NRCAM: variants seen among roughly 807,000 people sequenced by gnomAD.
The protein encoded by NRCAM is NgCAM-related cell adhesion molecule.
A neutral mutation model predicts 156.5 loss-of-function variants in NRCAM; 83 were observed. That is an observed-to-expected ratio of 0.53 (90% CI 0.44 to 0.64). NRCAM has a LOEUF of 0.64. Ranked by LOEUF, NRCAM falls within the 30% of genes least tolerant of loss-of-function variation. The pLI, the probability that NRCAM is intolerant of heterozygous loss-of-function variation, is 0.00. For synonymous variants in NRCAM, 538 were observed against 563.9 expected, an observed-to-expected ratio of 0.95 and a Z score of 0.65; for missense variants, 1,417 against 1,597.3, an observed-to-expected ratio of 0.89 and a Z score of 1.92.
chr7:108,303,358 A>G (rs989489291), intron 3 of NRCAM, among the ~76,000 whole-genome samples: 4 of 152,078 alleles, frequency 2.6e-5, no homozygotes, highest in African/African-American at 9.7e-5. Flanking sequence ...CTTCATTCTC[A>G]GTTGGCAAAT....
At chr7:108,179,963 C>T (rs1375500476) in intron 25 of NRCAM, among the ~76,000 whole-genome samples, 34 of 152,258 alleles carry the variant, frequency 2.2e-4, no homozygotes, top group Non-Finnish European at 5.9e-5. Flanking sequence ...AGGTTTCAGA[C>T]AGTGTGTGTG....
chr7:108,363,875 A>T (rs891253676), intron 2 of NRCAM, among the ~76,000 whole-genome samples: 1 of 152,314 alleles, frequency 6.6e-6, no homozygotes, highest in African/African-American at 2.4e-5. Context: ...AAAAACAAGG[A>T]AAGTCTGAGA....
intron 1 of NRCAM, among the ~76,000 whole-genome samples, chr7:108,405,627 AAG>A (rs1263883998): frequency 1.3e-5 from 2 of 152,220 alleles, no homozygotes; most frequent in African/African-American, 4.8e-5. Context: ...TTTCTGCTCA[AAG>A]AGTTAAGCAA....
Position 108,203,761 on chromosome 7 carries a change from C to T in NRCAM, c.1207+3767G>A, listed in dbSNP as rs567994815. 1.9e-3 allele frequency among the ~76,000 whole-genome samples: 290 copies of T among 152,322 alleles called. 1 individual carries two copies. The highest frequency in any genetic ancestry group is 6.8e-3 in the Middle Eastern group (2 of 294). ...GGAGGGGACACTGCACAGCCCCTGACAACAGTAGTTCAGAAGCACAGCTGT... is the reference window on the plus strand; with the variant it reads ...GGAGGGGACACTGCACAGCCCCTGATAACAGTAGTTCAGAAGCACAGCTGT... On this transcript the variant is annotated intron_variant, in intron 13 of 32. Coordinates refer to ENST00000379028, the MANE Select transcript of NRCAM (RefSeq NM_001037132.4).
intron 3 of NRCAM, among the ~76,000 whole-genome samples, chr7:108,289,922 G>A (rs745860600): frequency 6.6e-6 from 1 of 152,090 alleles, no homozygotes; most frequent in Non-Finnish European, 1.5e-5. Context: ...ACTAAGGTTT[G>A]AGAACAACTG....
chr7:108,320,123 C>T lies in NRCAM; in HGVS notation c.-173-7392G>A, dbSNP rs141466918. 1.4e-4 allele frequency among the ~76,000 whole-genome samples: 22 copies of T among 152,146 alleles called. No individual in the cohort carries two copies. The East Asian group carries it at 3.1e-3, about 21-fold the overall frequency. On this transcript the variant is annotated intron_variant, in intron 2 of 32. Coordinates refer to ENST00000379028, the MANE Select transcript of NRCAM (RefSeq NM_001037132.4). The stretch of plus-strand genomic sequence containing the variant: ...TCATAAGATAAAAAATTATTAACAG[C>T]ACTCCAATTTTTAATTATTTGGTAT...
intron 6 of NRCAM, among the ~76,000 whole-genome samples, chr7:108,233,533 A>G (rs1246690616): frequency 6.6e-6 from 1 of 152,210 alleles, no homozygotes; most frequent in East Asian, 1.9e-4. Context: ...GGCAAGTTAC[A>G]GAAGGCATTA....
chr7:108,160,154 A>C (rs1406047412), intron 31 of NRCAM, among the ~76,000 whole-genome samples: 1 of 152,140 alleles, frequency 6.6e-6, no homozygotes, highest in East Asian at 1.9e-4. Context: ...GAACTGATTG[A>C]TTTACTCCTC....
Position 108,453,134 on chromosome 7 carries a change from C to T in NRCAM, c.-332+3109G>A, listed in dbSNP as rs537615555. Among the ~76,000 whole-genome samples the T allele has an allele frequency of 3.7e-4, 57 of 152,298 alleles. 1 individual carries two copies. Among genetic ancestry groups the T allele is most frequent in the East Asian group, 1.2e-3 (6 of 5,192 alleles). On this transcript the variant is annotated intron_variant, in intron 1 of 32. Transcript: ENST00000379028. ...ACCACTGTATCCCCACTGCCTGGAA[C>T]ACAGTAAATATTTATTAAAGAATGA...
chr7:108,252,660 A>C (rs995171175), intron 3 of NRCAM, among the ~76,000 whole-genome samples: 8 of 152,176 alleles, frequency 5.3e-5, no homozygotes, highest in African/African-American at 1.9e-4. Context: ...GATAAATCTC[A>C]GTGTTTTCTC....
At chr7:108,159,578 C>T (rs1380521714) in intron 31 of NRCAM, 37 bp from the exon 32 acceptor site, 2 of 1,494,214 alleles carry the variant, frequency 1.3e-6, no homozygotes, top group Non-Finnish European at 1.9e-6. Flanking sequence ...ATCTGTTGAT[C>T]CTGTTCTTTC....
Position 108,307,477 on chromosome 7 carries a change from C to G in NRCAM, c.-107+5188G>C, listed in dbSNP as rs575894589. ...CTCTTTCAATAGAAATCATTCTCTC[C>G]TGTATTCGTGGTAGTTTATGAACTT... is the stretch of plus-strand genomic sequence containing the variant. On this transcript the variant is annotated intron_variant, in intron 3 of 32. Transcript: ENST00000379028. Among the ~76,000 whole-genome samples, 19 of 152,318 alleles carry G rather than the reference C, an allele frequency of 1.2e-4. No homozygotes were observed. The South Asian group carries it at 2.7e-3, about 22-fold the overall frequency.
At chr7:108,338,578 C>T (rs1419626820) in intron 2 of NRCAM, among the ~76,000 whole-genome samples, 3 of 148,250 alleles carry the variant, frequency 2.0e-5, no homozygotes, top group African/African-American at 7.5e-5. Context: ...GAGTGAGACA[C>T]AGAGAGAGGG....
At chr7:108,307,000 A>G (rs563813199) in intron 3 of NRCAM, among the ~76,000 whole-genome samples, 1 of 152,352 alleles carries the variant, frequency 6.6e-6, no homozygotes, top group Non-Finnish European at 1.5e-5. Flanking sequence ...CCATGCCACC[A>G]AGCATTTGTG....
intron 4 of NRCAM, among the ~76,000 whole-genome samples, chr7:108,238,503 G>A (rs760997354): frequency 1.3e-4 from 20 of 152,230 alleles, no homozygotes; most frequent in African/African-American, 1.4e-4. Flanking sequence ...TAATATAGGA[G>A]CACCTGGGTT....
chr7:108,293,355 A>G (rs2098367531), intron 3 of NRCAM, among the ~76,000 whole-genome samples: 1 of 152,170 alleles, frequency 6.6e-6, no homozygotes, highest in Non-Finnish European at 1.5e-5. Flanking sequence ...TCGCCTTAAT[A>G]AGTTCATTTG....
intron 2 of NRCAM, among the ~76,000 whole-genome samples, chr7:108,399,171 T>TGTG (rs1554605530): frequency 1.3e-4 from 19 of 150,258 alleles, no homozygotes; most frequent in South Asian, 4.2e-4. Context: ...GTGTGTGTGT[T>TGTG]TGTGTGTGTG....
chr7:108,379,294 ATAT>A (rs2099690788), intron 2 of NRCAM, among the ~76,000 whole-genome samples: 1 of 152,232 alleles, frequency 6.6e-6, no homozygotes, highest in South Asian at 2.1e-4. Flanking sequence ...GTATAATGAA[ATAT>A]TATTTGACTT....
At chr7:108,287,133 T>C (rs2098128003) in intron 3 of NRCAM, among the ~76,000 whole-genome samples, 2 of 151,924 alleles carry the variant, frequency 1.3e-5, no homozygotes, top group Non-Finnish European at 1.5e-5. Context: ...ATGTAAGACC[T>C]GAAACTATAA....
Sources: gnomAD v4.1 joint callset for allele counts (sites outside exome capture counted in the v4.1 genomes callset) on GRCh38, gnomAD v4.1.1 for gene constraint, MANE v1.5 for transcripts, NCBI Gene and HGNC (gene_info 2026-07-23, HGNC 2026-07-21) for gene names.